The following TENM4 variants were observed in gnomAD, a reference collection of about 807,000 sequenced individuals.
TENM4 encodes the protein teneurin-4.
In TENM4, 82 loss-of-function variants were observed where a neutral mutation model predicts 243.3. That is an observed-to-expected ratio of 0.34 (90% CI 0.28 to 0.40). The LOEUF is 0.40. TENM4 is among the 10% of genes least tolerant of loss of function. TENM4 has a pLI of 1.00. For synonymous variants in TENM4, 1,412 were observed against 1,456.3 expected, an observed-to-expected ratio of 0.97 and a Z score of 0.69; for missense variants, 3,138 against 3,673.3, an observed-to-expected ratio of 0.85 and a Z score of 3.77.
rs760657973 is a variant in TENM4, at chr11:78,889,927, C to T, written c.942G>A (p.Pro314=). The change falls in exon 9 of 34, where the codon CCG becomes CCA. Residue 314 remains proline, a synonymous_variant. Transcript: ENST00000278550. ...AGGTGCTGCGGGGCAGGGGTCGGGG[C>T]GGAGGAGAGTACACTGTGCTGGACG... is the stretch of plus-strand genomic sequence containing the variant. The part of the protein sequence containing the change: ...PLTSSTVYSP[P]PRPLPRSTFA... 17 of 1,551,452 alleles carry T rather than the reference C, an allele frequency of 1.1e-5. No homozygotes were observed. The highest frequency in any genetic ancestry group is 3.9e-5 in the Admixed American group (2 of 50,960).
intron 3 of TENM4, among the ~76,000 whole-genome samples, chr11:79,152,660 C>T (rs1405332770): frequency 1.3e-5 from 2 of 152,210 alleles, no homozygotes; most frequent in African/African-American, 4.8e-5. Flanking sequence ...CAGCTGCATT[C>T]CTCCAACCCC....
chr11:79,078,336 T>C (rs1236120612), intron 4 of TENM4, among the ~76,000 whole-genome samples: 1 of 152,204 alleles, frequency 6.6e-6, no homozygotes, highest in Non-Finnish European at 1.5e-5. Context: ...CCACAAAATA[T>C]AAGTCCTGGG....
intron 6 of TENM4, among the ~76,000 whole-genome samples, chr11:79,042,496 C>A (rs933884081): frequency 1.3e-5 from 2 of 152,186 alleles, no homozygotes; most frequent in African/African-American, 2.4e-5. Context: ...GCTCCTTCTA[C>A]CACGGGAGGA....
intron 1 of TENM4, among the ~76,000 whole-genome samples, chr11:79,403,414 G>A (rs528457998): frequency 2.0e-5 from 3 of 152,122 alleles, no homozygotes; most frequent in Admixed American, 1.3e-4. Flanking sequence ...GCAACTCTGC[G>A]AGGTAGTCAG....
chr11:78,868,410 T>C lies in TENM4; in HGVS notation c.1085-5278A>G, dbSNP rs376452545. Among the ~76,000 whole-genome samples, 57 of 152,324 alleles carry C rather than the reference T, an allele frequency of 3.7e-4. 1 individual carries two copies. The highest frequency in any genetic ancestry group is 3.3e-3 in the South Asian group (16 of 4,828). ...CAGAAAAAGGCTGTGGAAAGGTAGC[T>C]GGTTCACAAGATCACCCACGCTGAA... On this transcript the variant is annotated intron_variant, in intron 9 of 33. Transcript: ENST00000278550.
chr11:79,082,841 AG>A (rs1323462403), intron 4 of TENM4, among the ~76,000 whole-genome samples: 1 of 152,212 alleles, frequency 6.6e-6, no homozygotes, highest in African/African-American at 2.4e-5. Flanking sequence ...CCATAATGAT[AG>A]GAAAACCCTA....
At chr11:78,675,134 T>C (rs1430031998) in intron 30 of TENM4, among the ~76,000 whole-genome samples, 2 of 152,160 alleles carry the variant, frequency 1.3e-5, no homozygotes, top group Non-Finnish European at 2.9e-5. Context: ...CCCAAAGTGC[T>C]GGGATTACAG....
intron 16 of TENM4, among the ~76,000 whole-genome samples, chr11:78,782,692 G>A (rs1856861950): frequency 6.6e-6 from 1 of 152,050 alleles, no homozygotes; most frequent in Non-Finnish European, 1.5e-5. Flanking sequence ...CTTGAACCTG[G>A]GAGGCGGAAG....
At chr11:79,365,840 G>A (rs1857666790) in intron 1 of TENM4, among the ~76,000 whole-genome samples, 1 of 152,210 alleles carries the variant, frequency 6.6e-6, no homozygotes, top group Non-Finnish European at 1.5e-5. Flanking sequence ...ACATGCAGAT[G>A]CCCGGTGCGG....
intron 1 of TENM4, among the ~76,000 whole-genome samples, chr11:79,380,819 T>C (rs1464273619): frequency 6.6e-6 from 1 of 152,018 alleles, no homozygotes; most frequent in Non-Finnish European, 1.5e-5. Context: ...ATGTTGGAGG[T>C]TCCTGGATGT....
At chr11:78,828,941 G>C (rs890415672) in intron 12 of TENM4, among the ~76,000 whole-genome samples, 1 of 152,254 alleles carries the variant, frequency 6.6e-6, no homozygotes, top group Non-Finnish European at 1.5e-5. Context: ...TTCCTCCCCA[G>C]TTCCCTGACC....
At chr11:78,965,565 A>G (rs1360621715) in intron 6 of TENM4, among the ~76,000 whole-genome samples, 2 of 152,196 alleles carry the variant, frequency 1.3e-5, no homozygotes, top group Non-Finnish European at 2.9e-5. Context: ...TCCTGAGTAA[A>G]TCTGTCAAGC....
chr11:79,406,595 C>T (rs1858579000), intron 1 of TENM4, among the ~76,000 whole-genome samples: 2 of 152,134 alleles, frequency 1.3e-5, no homozygotes, highest in South Asian at 2.1e-4. Flanking sequence ...AGGTAACACA[C>T]GCAACCATTT....
chr11:78,912,008 G>A (rs1372576778), intron 6 of TENM4, among the ~76,000 whole-genome samples: 1 of 152,150 alleles, frequency 6.6e-6, no homozygotes, highest in Non-Finnish European at 1.5e-5. Context: ...CTTGAACAGA[G>A]CACTGAAGTA....
chr11:78,812,923 T>C (rs762889104), intron 13 of TENM4, among the ~76,000 whole-genome samples: 5 of 152,174 alleles, frequency 3.3e-5, no homozygotes, highest in Non-Finnish European at 7.3e-5. Flanking sequence ...CTATGAAGGA[T>C]ACTATATAAA....
intron 2 of TENM4, among the ~76,000 whole-genome samples, chr11:79,239,544 C>T (rs146224345): frequency 6.6e-6 from 1 of 152,260 alleles, no homozygotes; most frequent in Non-Finnish European, 1.5e-5. Flanking sequence ...AGGGCCCATG[C>T]TCTGTCCAGT....
intron 1 of TENM4, among the ~76,000 whole-genome samples, chr11:79,382,675 G>C (rs1436119997): frequency 1.3e-5 from 2 of 152,008 alleles, no homozygotes; most frequent in Non-Finnish European, 2.9e-5. Context: ...AGGGTAGGGA[G>C]GGGGAGGAGG....
In TENM4 at chr11:79,042,842, C is replaced by T. The variant is rs117563527; in HGVS notation, c.493+21896G>A. On this transcript the variant is annotated intron_variant, in intron 6 of 33. Coordinates refer to ENST00000278550, the MANE Select transcript of TENM4 (RefSeq NM_001098816.3). ...GGGGCCACAATCTGTCTCTATCTCT[C>T]CTCTGTCAGGTAGAACCAGGGTGAT... Among the ~76,000 whole-genome samples the T allele has an allele frequency of 5.7e-3, 864 of 152,326 alleles. 25 individuals are homozygous for T. The East Asian group carries it at 0.064, about 11-fold the overall frequency.
intron 4 of TENM4, among the ~76,000 whole-genome samples, chr11:79,132,606 C>G (rs1360182273): frequency 6.6e-6 from 1 of 151,892 alleles, no homozygotes; most frequent in Non-Finnish European, 1.5e-5. Flanking sequence ...ATAAAATGAG[C>G]CTCAATAAAT....
Sources: allele counts gnomAD v4.1 joint callset (sites outside exome capture counted in the v4.1 genomes callset), GRCh38; gene constraint gnomAD v4.1.1; transcripts MANE v1.5; gene names NCBI Gene and HGNC (gene_info 2026-07-23, HGNC 2026-07-21).